The following PHIP variants were observed in gnomAD, a reference collection of about 807,000 sequenced individuals.
PHIP encodes PHIP subunit of CUL4-Ring ligase complex, also known as PH-interacting protein.
A neutral mutation model predicts 236.8 loss-of-function variants in PHIP; 54 were observed. That is an observed-to-expected ratio of 0.23 (90% CI 0.18 to 0.29). The LOEUF (loss-of-function observed/expected upper bound fraction) is 0.29, where lower values mean the gene tolerates loss of function less well. Among genes scored for constraint, PHIP ranks in the 10% least tolerant of loss-of-function variants. PHIP has a pLI of 1.00. For synonymous variants in PHIP, 756 were observed against 718.9 expected, an observed-to-expected ratio of 1.05 and a Z score of -0.83; for missense variants, 1,370 against 2,190.8, an observed-to-expected ratio of 0.63 and a Z score of 7.48.
At chr6:78,943,194 G>T (rs538310056) in intron 39 of PHIP, among the ~76,000 whole-genome samples, 2 of 151,976 alleles carry the variant, frequency 1.3e-5, no homozygotes, top group Admixed American at 1.3e-4. Context: ...TATATGGCTT[G>T]TATTATATTC....
At position 78,998,351 on chromosome 6, in the gene PHIP, G is replaced by A. The variant is rs1157739223; in HGVS notation, c.1920C>T (p.Ile640=). Residue 640 remains isoleucine (I), a synonymous_variant, in exon 18 of 40, where the codon ATC becomes ATT. Transcript: ENST00000275034. Reference sequence around the variant, plus strand: ...TTTGAATCATGCTGTCCAGTGGGCTGATCTCCTGGTTTGCTTGCTGACTTA... The same window carrying A: ...TTTGAATCATGCTGTCCAGTGGGCTAATCTCCTGGTTTGCTTGCTGACTTA... The part of the protein sequence containing the change: ...QVLSQQANQE[I]SPLDSMIQRL... 9 of 1,613,402 alleles carry A rather than the reference G, an allele frequency of 5.6e-6. No homozygotes were observed. The highest frequency in any genetic ancestry group is 7.6e-6 in the Non-Finnish European group (9 of 1,179,528).
Position 78,970,877 on chromosome 6 carries a change from G to T in PHIP, c.2901C>A (p.Phe967Leu). 1.2e-6 allele frequency: 2 copies of T among 1,602,550 alleles called. No individual in the cohort carries two copies. The highest frequency in any genetic ancestry group is 1.1e-5 in the South Asian group (1 of 88,960). The change falls in exon 25 of 40, where the codon TTC becomes TTA. Residue 967 changes from phenylalanine (F) to leucine (L), a missense_variant. By Grantham distance (22) the Phe-to-Leu change is conservative (BLOSUM62 0). Coordinates refer to ENST00000275034, the MANE Select transcript of PHIP (RefSeq NM_017934.7). ...CGACATAGGCTTCATGTCCTTGTCGGAAATAATAAACCTAAAAAATAAAGT... is the reference window on the plus strand; with the variant it reads ...CGACATAGGCTTCATGTCCTTGTCGTAAATAATAAACCTAAAAAATAAAGT... ...VPQMGDEVYY[F>L]RQGHEAYVEM...
chr6:79,015,290 A>G (rs1770783759), intron 14 of PHIP, 74 bp from the exon 15 acceptor site: 1 of 1,153,840 alleles, frequency 8.7e-7, no homozygotes, highest in Non-Finnish European at 1.3e-6. Flanking sequence ...TGAAATACCA[A>G]TATGGCACTA....
chr6:79,009,849 GC>G (rs1382976321), intron 15 of PHIP, among the ~76,000 whole-genome samples: 1 of 151,744 alleles, frequency 6.6e-6, no homozygotes, highest in African/African-American at 2.4e-5. Flanking sequence ...AGATTAACAT[GC>G]CTTTTGTACC....
intron 39 of PHIP, among the ~76,000 whole-genome samples, chr6:78,943,647 A>G (rs960432783): frequency 3.9e-5 from 6 of 152,184 alleles, no homozygotes; most frequent in East Asian, 1.9e-4. Context: ...GATCAACATT[A>G]TAAGTACCAC....
chr6:79,008,386 G>T (rs1770408738), intron 15 of PHIP, among the ~76,000 whole-genome samples: 1 of 151,866 alleles, frequency 6.6e-6, no homozygotes. Context: ...ATATAAAAGT[G>T]ATTCTGAAAA....
chr6:79,045,485 C>A (rs1399864096), intron 6 of PHIP, among the ~76,000 whole-genome samples: 1 of 151,968 alleles, frequency 6.6e-6, no homozygotes, highest in Non-Finnish European at 1.5e-5. Flanking sequence ...GACAAAAATT[C>A]TCTTATATTT....
intron 7 of PHIP, among the ~76,000 whole-genome samples, chr6:79,028,491 T>C (rs1159961382): frequency 1.3e-5 from 2 of 152,190 alleles, no homozygotes; most frequent in African/African-American, 2.4e-5. Context: ...GATTATCTGT[T>C]GGAAGTGAAG....
At chr6:79,064,948 C>T (rs1384723413) in intron 4 of PHIP, among the ~76,000 whole-genome samples, 2 of 152,150 alleles carry the variant, frequency 1.3e-5, no homozygotes, top group African/African-American at 4.8e-5. Context: ...TGAAAACATT[C>T]CCCACTAAAG....
At chr6:79,021,596 GTTA>G (rs1279969865) in intron 9 of PHIP, among the ~76,000 whole-genome samples, 1 of 152,196 alleles carries the variant, frequency 6.6e-6, no homozygotes, top group Non-Finnish European at 1.5e-5. Context: ...GGAACTGGAG[GTTA>G]TTATGCTAAG....
At chr6:79,045,644 A>G (rs1218370229) in intron 6 of PHIP, among the ~76,000 whole-genome samples, 2 of 152,182 alleles carry the variant, frequency 1.3e-5, no homozygotes, top group African/African-American at 4.8e-5. Flanking sequence ...GAAATTAATA[A>G]GAGACCAATT....
intron 4 of PHIP, among the ~76,000 whole-genome samples, chr6:79,065,769 CA>C (rs1773592314): frequency 1.1e-5 from 1 of 90,622 alleles, no homozygotes; most frequent in Non-Finnish European, 2.6e-5. Flanking sequence ...CTATACCACA[CA>C]CACACACACA....
chr6:78,958,470 C>A lies in PHIP; in HGVS notation c.3782+5G>T. 1 of 1,462,432 alleles carries A rather than the reference C, an allele frequency of 6.8e-7. No individual in the cohort carries two copies. The allele number at this position is 1,462,432 out of a possible 1,614,324, so 90.6% of individuals were successfully genotyped here. A position where few individuals can be genotyped will look rare whatever the true frequency, so the allele number is the denominator to read the frequency against. On this transcript the variant is annotated splice_donor_5th_base_variant and intron_variant, in intron 32 of 39. Transcript: ENST00000275034. ...ATCATAATTACATATGAAAAGATAA[C>A]TTACTTTATAAAATGTAGAAGAAGA...
chr6:78,967,861 G>A (rs542633448), intron 27 of PHIP, among the ~76,000 whole-genome samples: 2 of 152,100 alleles, frequency 1.3e-5, no homozygotes, highest in Non-Finnish European at 2.9e-5. Context: ...TCGGCCGGGC[G>A]CGGTGGCTCA....
At chr6:78,996,965 T>C (rs1025981228) in intron 19 of PHIP, among the ~76,000 whole-genome samples, 4 of 151,340 alleles carry the variant, frequency 2.6e-5, no homozygotes, top group African/African-American at 9.7e-5. Context: ...ATGTATACTT[T>C]TAAATATAAA....
chr6:79,060,371 G>T, intron 6 of PHIP, 107 bp downstream of exon 6: 2 of 651,196 alleles, frequency 3.1e-6, no homozygotes, highest in Non-Finnish European at 5.1e-6. Flanking sequence ...GAATGCAGAT[G>T]TACATAATAT....
At chr6:79,003,688 T>TAA in intron 16 of PHIP, 42 bp downstream of exon 16, 37 of 1,313,590 alleles carry the variant, frequency 2.8e-5, no homozygotes, top group South Asian at 7.9e-5. Context: ...AAACATGCAT[T>TAA]AAAAAAAAAT....
In PHIP at chr6:79,003,686, A is replaced by AT. The variant is rs771055864; in HGVS notation, c.1653+43dup. The AT allele has an allele frequency of 1.3e-5, 19 of 1,420,218 alleles. No individual in the cohort carries two copies. The Admixed American group carries it at 3.7e-4, about 27-fold the overall frequency. The allele number at this position is 1,420,218 out of a possible 1,614,324, so 88.0% of individuals were successfully genotyped here. A position where few individuals can be genotyped will look rare whatever the true frequency, so the allele number is the denominator to read the frequency against. On this transcript the variant is annotated intron_variant, in intron 16 of 39. Coordinates refer to ENST00000275034, the MANE Select transcript of PHIP (RefSeq NM_017934.7). ...AAAAACATACAACCCCTAAACATGC[A>AT]TTAAAAAAAAATAAGGACATGATAT...
At chr6:79,012,236 G>T (rs11754374) in intron 15 of PHIP, among the ~76,000 whole-genome samples, 11,834 of 151,534 alleles carry the variant, frequency 0.078, 593 homozygotes, top group Non-Finnish European at 0.11. Flanking sequence ...AAAAGCAGGA[G>T]AAATATTAAA....
Sources: allele counts gnomAD v4.1 joint callset (sites outside exome capture counted in the v4.1 genomes callset), GRCh38; gene constraint gnomAD v4.1.1; transcripts MANE v1.5; gene names NCBI Gene and HGNC (gene_info 2026-07-23, HGNC 2026-07-21).